The following SLC38A8 variants were observed in gnomAD, a reference collection of about 807,000 sequenced individuals.
The protein encoded by SLC38A8 is amino acid transporter SLC38A8.
SLC38A8 carries 65 observed loss-of-function variants against 46.0 expected under a neutral mutation model. The ratio of observed to expected loss-of-function variants is 1.41; its 90% confidence interval spans 1.16 to 1.74. The LOEUF is 1.74. Among genes scored for constraint, SLC38A8 ranks in the 40% most tolerant of loss-of-function variants. The probability of loss-of-function intolerance (pLI) is 0.00; values close to 1 mark genes in which losing one functional copy is unlikely to be tolerated. For synonymous variants in SLC38A8, 447 were observed against 243.7 expected, an observed-to-expected ratio of 1.83 and a Z score of -7.77; for missense variants, 998 against 567.9, an observed-to-expected ratio of 1.76 and a Z score of -7.70.
At chr16:84,025,787 C>A (rs573643389) in intron 6 of SLC38A8, among the ~76,000 whole-genome samples, 1 of 152,386 alleles carries the variant, frequency 6.6e-6, no homozygotes, top group Non-Finnish European at 1.5e-5. Flanking sequence ...TGGCCTCCTC[C>A]CTCCGGCTTC....
chr16:84,023,920 G>A (rs2085126852), intron 6 of SLC38A8, among the ~76,000 whole-genome samples: 1 of 152,190 alleles, frequency 6.6e-6, no homozygotes, highest in South Asian at 2.1e-4. Flanking sequence ...GGGCAGCAGA[G>A]AATGTTTCCG....
intron 10 of SLC38A8, 125 bp from the exon 11 acceptor site, chr16:84,010,002 C>T: frequency 1.5e-6 from 1 of 675,916 alleles, no homozygotes; most frequent in Non-Finnish European, 2.3e-6. Flanking sequence ...AAGAAAAATT[C>T]AGAATATTTC....
At chr16:84,017,636 C>G (rs2085046109) in intron 7 of SLC38A8, among the ~76,000 whole-genome samples, 1 of 152,222 alleles carries the variant, frequency 6.6e-6, no homozygotes, top group Non-Finnish European at 1.5e-5. Flanking sequence ...CCTACGACAT[C>G]TAAAGAAAGC....
chr16:84,019,152 G>A (rs1272532513), intron 7 of SLC38A8, among the ~76,000 whole-genome samples: 1 of 151,606 alleles, frequency 6.6e-6, no homozygotes, highest in Non-Finnish European at 1.5e-5. Flanking sequence ...TCGACTCACT[G>A]CAACCTGTGC....
chr16:84,012,459 G>C (rs1366370175), intron 10 of SLC38A8, among the ~76,000 whole-genome samples: 1 of 152,130 alleles, frequency 6.6e-6, no homozygotes, highest in Non-Finnish European at 1.5e-5. Context: ...GGGCCTGGGA[G>C]CCAGGGGCCT....
At chr16:84,035,333 A>G (rs987936726) in intron 3 of SLC38A8, among the ~76,000 whole-genome samples, 2 of 152,236 alleles carry the variant, frequency 1.3e-5, no homozygotes, top group African/African-American at 4.8e-5. Context: ...ACCAAGACAC[A>G]GCAGCCTTCA....
At chr16:84,023,319 G>C (rs968687033) in intron 6 of SLC38A8, among the ~76,000 whole-genome samples, 2 of 152,152 alleles carry the variant, frequency 1.3e-5, no homozygotes, top group African/African-American at 2.4e-5. Context: ...AGCAGGACTT[G>C]CATCAGGAAT....
At chr16:84,015,587 G>C (rs2085015663) in intron 9 of SLC38A8, among the ~76,000 whole-genome samples, 1 of 151,444 alleles carries the variant, frequency 6.6e-6, no homozygotes, top group South Asian at 2.1e-4. Flanking sequence ...CGGGGGTTCA[G>C]GGCCTCGGTC....
chr16:84,013,422 G>GTTTTTTTTTTTTTTTTT (rs369454720), intron 9 of SLC38A8, among the ~76,000 whole-genome samples: 1 of 108,700 alleles, frequency 9.2e-6, no homozygotes, highest in Non-Finnish European at 1.8e-5. Context: ...TGTTGTGTGT[G>GTTTTTTTTTTTTTTTTT]TGTTTTTTTT....
chr16:84,017,970 G>T (rs1044667680), intron 7 of SLC38A8, among the ~76,000 whole-genome samples: 1 of 152,196 alleles, frequency 6.6e-6, no homozygotes, highest in African/African-American at 2.4e-5. Flanking sequence ...GACCTCCTCT[G>T]CTGGGGAAGG....
rs751672996 is a variant in SLC38A8 at position 84,036,799 on chromosome 16, G to A, written c.291C>T (p.Gly97=). The change falls in exon 3 of 11, where the codon GGC becomes GGT. Residue 97 remains glycine (G), a synonymous_variant. Coordinates refer to ENST00000299709, the MANE Select transcript of SLC38A8 (RefSeq NM_001080442.3). ...TYQGVVRGLC[G]PAIGKLCEAC... The stretch of plus-strand genomic sequence containing the variant: ...CCTCACACAGCTTCCCAATGGCAGG[G>A]CCACACAGCCCCCTGACCACACCCT... 13 of 1,614,030 alleles carry A rather than the reference G, an allele frequency of 8.1e-6. No homozygotes were observed. In the Admixed American group the frequency reaches 2.2e-4, roughly 27 times the overall value.
chr16:84,021,711 G>A (rs1276412189), intron 7 of SLC38A8, among the ~76,000 whole-genome samples: 1 of 152,176 alleles, frequency 6.6e-6, no homozygotes, highest in Non-Finnish European at 1.5e-5. Context: ...CCCCACTCTT[G>A]ATACCAATTT....
chr16:84,029,596 C>G, intron 5 of SLC38A8, 45 bp from the exon 6 acceptor site: 1 of 1,586,928 alleles, frequency 6.3e-7, no homozygotes, highest in Non-Finnish European at 8.6e-7. Context: ...AGGGTCACAC[C>G]CGGAACAACC....
intron 7 of SLC38A8, 84 bp from the exon 8 acceptor site, chr16:84,017,371 C>G: frequency 6.7e-7 from 1 of 1,501,334 alleles, no homozygotes; most frequent in Non-Finnish European, 9.0e-7. Context: ...CAGCGCCTGG[C>G]TTTACCACCT....
intron 3 of SLC38A8, among the ~76,000 whole-genome samples, chr16:84,034,941 G>C (rs771902215): frequency 6.6e-6 from 1 of 152,110 alleles, no homozygotes; most frequent in African/African-American, 2.4e-5. Context: ...CAAAGACATG[G>C]TCAATTGTAC....
intron 4 of SLC38A8, 93 bp from the exon 5 acceptor site, chr16:84,032,061 C>G (rs1288350600): frequency 9.0e-7 from 1 of 1,107,668 alleles, no homozygotes; most frequent in Non-Finnish European, 1.3e-6. Context: ...CAGCTCCGCC[C>G]TTGACAATGA....
intron 6 of SLC38A8, among the ~76,000 whole-genome samples, chr16:84,023,484 AGCAGAGGGCGTAAGTAAATG>A (rs1293722281): frequency 2.6e-5 from 4 of 152,062 alleles, no homozygotes; most frequent in Admixed American, 2.0e-4. Flanking sequence ...GCCCACCAAG[AGCAGAGGGCGTAAGTAAATG>A]GCAGGATACT....
chr16:84,041,997 C>G lies in SLC38A8; in HGVS notation c.161G>C (p.Gly54Ala). ...CTCCACCAGGAAGGCAGGGACCACT[C>G]CGCCCGCTTTGGAGAAGGCCCAGGG... ...NFPWAFSKAG[G>A]VVPAFLVELV... is the part of the protein sequence containing the mutation. Residue 54 changes from glycine (G) to alanine (A), a missense_variant, in exon 2 of 11, where the codon GGA (glycine) becomes GCA (alanine). Coordinates refer to ENST00000299709, the MANE Select transcript of SLC38A8 (RefSeq NM_001080442.3). 2.5e-6 allele frequency: 4 copies of G among 1,609,292 alleles called. No homozygotes were observed. Among genetic ancestry groups the G allele is most frequent in the Non-Finnish European group, 3.4e-6 (4 of 1,177,352 alleles).
At chr16:84,016,970 C>A (rs540266427) in intron 8 of SLC38A8, among the ~76,000 whole-genome samples, 170 bp downstream of exon 8, 2 of 152,182 alleles carry the variant, frequency 1.3e-5, no homozygotes, top group Non-Finnish European at 2.9e-5. Context: ...CACACACTCA[C>A]GGAGTGACTT....
Sources: allele counts gnomAD v4.1 joint callset (sites outside exome capture counted in the v4.1 genomes callset), GRCh38; gene constraint gnomAD v4.1.1; transcripts MANE v1.5; gene names NCBI Gene and HGNC (gene_info 2026-07-23, HGNC 2026-07-21).